DENND4C: variants seen among roughly 807,000 people sequenced by gnomAD.
DENND4C encodes the protein DENN domain containing 4C.
DENND4C carries 108 observed loss-of-function variants against 203.0 expected under a neutral mutation model. The ratio of observed to expected loss-of-function variants is 0.53; its 90% CI spans 0.46 to 0.62. The LOEUF (loss-of-function observed/expected upper bound fraction) is 0.62, where lower values mean the gene tolerates loss of function less well. DENND4C is among the 20% of genes least tolerant of loss of function. The pLI, the probability that DENND4C is intolerant of heterozygous loss-of-function variation, is 0.00. For missense variants in DENND4C, 2,481 were observed against 2,301.2 expected, an observed-to-expected ratio of 1.08 and a Z score of -1.60; for synonymous variants, 871 against 792.4, an observed-to-expected ratio of 1.10 and a Z score of -1.67.
intron 16 of DENND4C, among the ~76,000 whole-genome samples, chr9:19,330,607 G>A (rs1045242590): frequency 6.6e-6 from 1 of 151,622 alleles, no homozygotes; most frequent in African/African-American, 2.4e-5. Context: ...CAAAGTGCTG[G>A]GATTATATAC....
Position 19,346,954 on chromosome 9 carries a change from A to T in DENND4C, c.4185A>T (p.Ser1395=). 2 of 1,614,138 alleles carry T rather than the reference A, an allele frequency of 1.2e-6. No individual in the cohort carries two copies. The highest frequency in any genetic ancestry group is 8.5e-7 in the Non-Finnish European group (1 of 1,180,030). The change falls in exon 23 of 33, where the codon TCA becomes TCT. Residue 1395 remains serine, a synonymous_variant. Coordinates refer to ENST00000434457, the MANE Select transcript of DENND4C (RefSeq NM_001330640.2). ...TGGGTTCTGTAGTAAATTCTTTGTC[A>T]GGGCTAAAGCTGGATAATATACTCT... is the stretch of plus-strand genomic sequence containing the variant. ...GSLGSVVNSL[S]GLKLDNILSG...
At chr9:19,323,642 A>C (rs1454676905) in intron 12 of DENND4C, among the ~76,000 whole-genome samples, 1 of 152,190 alleles carries the variant, frequency 6.6e-6, no homozygotes, top group African/African-American at 2.4e-5. Flanking sequence ...TGAAACTTTA[A>C]TGAGCAGAAA....
intron 1 of DENND4C, among the ~76,000 whole-genome samples, chr9:19,260,721 T>A (rs1000158506): frequency 6.6e-6 from 1 of 152,220 alleles, no homozygotes; most frequent in African/African-American, 2.4e-5. Flanking sequence ...TAATACCTTA[T>A]CAAATGGATA....
Position 19,369,819 on chromosome 9 carries a change from C to G in DENND4C, c.5525-18C>G. On this transcript the variant is annotated intron_variant, in intron 30 of 32. Coordinates refer to ENST00000434457, the MANE Select transcript of DENND4C (RefSeq NM_001330640.2). Reference sequence around the variant, plus strand: ...ATAGTAATAATTGAAAAAAAACTTACTGTGTTCTTATTGTTAGATTCTGAA... The same window carrying G: ...ATAGTAATAATTGAAAAAAAACTTAGTGTGTTCTTATTGTTAGATTCTGAA... 4 of 1,455,972 alleles carry G rather than the reference C, an allele frequency of 2.7e-6. No homozygotes were observed. The highest frequency in any genetic ancestry group is 3.6e-6 in the Non-Finnish European group (4 of 1,099,072). 90.2% of individuals were successfully genotyped at this position (1,455,972 alleles called of 1,614,324 possible).
chr9:19,246,053 C>T (rs1208949359), intron 1 of DENND4C, among the ~76,000 whole-genome samples: 1 of 151,804 alleles, frequency 6.6e-6, no homozygotes, highest in Admixed American at 6.6e-5. Flanking sequence ...CACTGTCCAT[C>T]ATTCTCCTCA....
chr9:19,247,862 A>T (rs568364055), intron 1 of DENND4C, among the ~76,000 whole-genome samples: 6 of 152,282 alleles, frequency 3.9e-5, no homozygotes, highest in African/African-American at 1.4e-4. Context: ...TGGAAATCAT[A>T]CTTGCTTTCT....
intron 13 of DENND4C, among the ~76,000 whole-genome samples, 155 bp downstream of exon 13, chr9:19,324,662 A>G (rs536300374): frequency 2.9e-4 from 44 of 152,304 alleles, no homozygotes; most frequent in South Asian, 4.1e-4. Flanking sequence ...GAATATATGA[A>G]TAAAATTCTT....
At chr9:19,233,482 A>G (rs541826488) in intron 1 of DENND4C, among the ~76,000 whole-genome samples, 19 of 152,198 alleles carry the variant, frequency 1.2e-4, no homozygotes, top group Non-Finnish European at 2.2e-4. Context: ...ATTTTGCAGG[A>G]AGAAGTTTAA....
At chr9:19,265,099 T>C (rs534380645) in intron 1 of DENND4C, among the ~76,000 whole-genome samples, 15 of 152,244 alleles carry the variant, frequency 9.9e-5, no homozygotes, top group African/African-American at 3.6e-4. Flanking sequence ...ACTGCCACCT[T>C]GACCTCTTGG....
Position 19,317,907 on chromosome 9 carries a change from T to A in DENND4C, c.1807+1068T>A, listed in dbSNP as rs574251785. ...AAGAAGCATGACTTGGAAGAATGGG[T>A]AGAATGGAGATAAATGGAGAAGAAC... is the stretch of plus-strand genomic sequence containing the variant. On this transcript the variant is annotated intron_variant, in intron 12 of 32. Coordinates refer to ENST00000434457, the MANE Select transcript of DENND4C (RefSeq NM_001330640.2). Among the ~76,000 whole-genome samples the A allele has an allele frequency of 1.2e-3, 187 of 152,218 alleles. 3 individuals carry two copies. The highest frequency in any genetic ancestry group is 3.4e-3 in the Middle Eastern group (1 of 292).
chr9:19,301,223 C>G (rs1838504845), intron 9 of DENND4C, among the ~76,000 whole-genome samples: 1 of 151,822 alleles, frequency 6.6e-6, no homozygotes, highest in Non-Finnish European at 1.5e-5. Flanking sequence ...TTGTATAGGG[C>G]TTTATAGGCC....
intron 8 of DENND4C, 152 bp from the exon 9 acceptor site, chr9:19,300,035 A>C: frequency 1.4e-6 from 1 of 719,672 alleles, no homozygotes; most frequent in Non-Finnish European, 2.1e-6. Flanking sequence ...CCCGTTATCT[A>C]TCTTATTAAA....
intron 9 of DENND4C, among the ~76,000 whole-genome samples, chr9:19,300,753 A>C (rs2131317377): frequency 6.6e-6 from 1 of 152,340 alleles, no homozygotes; most frequent in East Asian, 1.9e-4. Flanking sequence ...GGAAATTCTA[A>C]GTGATTGTGA....
intron 1 of DENND4C, among the ~76,000 whole-genome samples, chr9:19,251,498 C>G (rs974537107): frequency 2.0e-5 from 3 of 152,232 alleles, no homozygotes; most frequent in African/African-American, 4.8e-5. Flanking sequence ...CTCTTCGTTA[C>G]TTATGTAAAT....
Position 19,287,074 on chromosome 9 carries a change from C to T in DENND4C, c.558+53C>T, listed in dbSNP as rs1449545344. 5 of 1,226,868 alleles carry T rather than the reference C, an allele frequency of 4.1e-6. No individual in the cohort carries two copies. In the African/African-American group the frequency reaches 4.7e-5, roughly 11 times the overall value. The allele number at this position is 1,226,868 out of a possible 1,614,324, so 76.0% of individuals were successfully genotyped here. ...TTTCATATGAAACCAAAAAGGGATA[C>T]GTTTTGGATTCCTGTTTACTGTTGG... On this transcript the variant is annotated intron_variant, in intron 3 of 32. Coordinates refer to ENST00000434457, the MANE Select transcript of DENND4C (RefSeq NM_001330640.2).
In DENND4C at chr9:19,374,183, T is replaced by C. The variant is rs1411877822; in HGVS notation, c.*2010T>C. ...CTGTAATCTTTAGAATCCCAATATT[T>C]TGTTTTTTCCATTCCTTCACTCGTA... On this transcript the variant is annotated 3_prime_UTR_variant, in exon 33 of 33. Transcript: ENST00000434457. Among the ~76,000 whole-genome samples, 1 of 152,156 alleles carries C rather than the reference T, an allele frequency of 6.6e-6. No homozygotes were observed. Among genetic ancestry groups the C allele is most frequent in the Non-Finnish European group, 1.5e-5 (1 of 68,014 alleles).
chr9:19,276,504 A>G (rs570757100), intron 2 of DENND4C, 25 bp downstream of exon 2: 15 of 1,220,094 alleles, frequency 1.2e-5, no homozygotes, highest in African/African-American at 4.7e-5. Context: ...TTTCTTTGCT[A>G]TAGTGAAGGA....
chr9:19,327,539 A>T (rs573820938), intron 15 of DENND4C, among the ~76,000 whole-genome samples: 1 of 152,182 alleles, frequency 6.6e-6, no homozygotes, highest in African/African-American at 2.4e-5. Flanking sequence ...ATATGAAAAT[A>T]TTTAATTGGA....
chr9:19,360,638 A>G (rs928110331), intron 29 of DENND4C, 149 bp downstream of exon 29: 2 of 1,045,024 alleles, frequency 1.9e-6, no homozygotes, highest in East Asian at 2.6e-5. Flanking sequence ...TGGAATGGTA[A>G]AGTGTTAGGA....
Sources: allele counts gnomAD v4.1 joint callset (sites outside exome capture counted in the v4.1 genomes callset), GRCh38; gene constraint gnomAD v4.1.1; transcripts MANE v1.5; gene names NCBI Gene and HGNC (gene_info 2026-07-23, HGNC 2026-07-21).